Variants in BIN3 observed in about 807,000 individuals in gnomAD.
The protein encoded by BIN3 is bridging integrator 3.
A neutral mutation model predicts 38.2 loss-of-function variants in BIN3; 41 were observed. The ratio of observed to expected loss-of-function variants is 1.07; its 90% confidence interval spans 0.84 to 1.39. The LOEUF is 1.39. Ranked by LOEUF, BIN3 falls within the 40% of genes most tolerant of loss-of-function variation. BIN3 has a pLI of 0.00. For missense variants in BIN3, 361 were observed against 324.3 expected (o/e 1.11, Z -0.87); for synonymous variants, 145 against 122.6 (o/e 1.18, Z -1.21).
chr8:22,668,135 C>T (rs1395200412), intron 1 of BIN3, among the ~76,000 whole-genome samples: 1 of 152,132 alleles, frequency 6.6e-6, no homozygotes, highest in Non-Finnish European at 1.5e-5. Flanking sequence ...TATATAGGTC[C>T]TTGGGCCTGA....
chr8:22,643,405 A>C (rs904894264), intron 2 of BIN3, among the ~76,000 whole-genome samples: 1 of 152,124 alleles, frequency 6.6e-6, no homozygotes, highest in Non-Finnish European at 1.5e-5. Context: ...ATCAGAGCTC[A>C]CTGTGGCCTC....
At chr8:22,640,636 G>A (rs1426037133) in intron 2 of BIN3, among the ~76,000 whole-genome samples, 7 of 152,164 alleles carry the variant, frequency 4.6e-5, no homozygotes, top group African/African-American at 9.7e-5. Context: ...CACAGGGGGC[G>A]CTCTTTGGGA....
chr8:22,634,470 C>G (rs1281032341), intron 4 of BIN3: 1 of 456,240 alleles, frequency 2.2e-6, no homozygotes, highest in Non-Finnish European at 4.4e-6. Flanking sequence ...CTTTTGTGAT[C>G]AGTGCTTTGT....
At chr8:22,642,921 C>G (rs1802608341) in intron 2 of BIN3, among the ~76,000 whole-genome samples, 1 of 152,200 alleles carries the variant, frequency 6.6e-6, no homozygotes, top group Admixed American at 6.5e-5. Context: ...GAGGGATGCC[C>G]TGTGTGCATC....
intron 1 of BIN3, among the ~76,000 whole-genome samples, chr8:22,664,010 A>G (rs1803329704): frequency 6.6e-6 from 1 of 152,240 alleles, no homozygotes; most frequent in South Asian, 2.1e-4. Context: ...AACATTTAGC[A>G]CAGACTTTTG....
intron 4 of BIN3, 53 bp downstream of exon 4, chr8:22,636,472 C>T: frequency 2.6e-6 from 4 of 1,532,664 alleles, no homozygotes; most frequent in Non-Finnish European, 3.5e-6. Context: ...GAGGAGGGTG[C>T]CCACCTCTGC....
At chr8:22,630,392 C>T (rs1240923122) in intron 5 of BIN3, 50 bp downstream of exon 5, 8 of 1,606,668 alleles carry the variant, frequency 5.0e-6, no homozygotes, top group Admixed American at 3.3e-5. Context: ...CCCAGAGGCC[C>T]AGACCGGGCA....
intron 2 of BIN3, among the ~76,000 whole-genome samples, chr8:22,641,301 C>T (rs1204218379): frequency 6.6e-6 from 1 of 152,198 alleles, no homozygotes; most frequent in Non-Finnish European, 1.5e-5. Context: ...TACCCGTGGC[C>T]ACCCCCTGCA....
At chr8:22,643,450 C>T (rs914779126) in intron 2 of BIN3, among the ~76,000 whole-genome samples, 1 of 152,200 alleles carries the variant, frequency 6.6e-6, no homozygotes, top group South Asian at 2.1e-4. Flanking sequence ...CCTGCTTTAG[C>T]CTCCCAAGTA....
chr8:22,653,499 G>C (rs951972455), intron 1 of BIN3, among the ~76,000 whole-genome samples: 1 of 152,082 alleles, frequency 6.6e-6, no homozygotes, highest in African/African-American at 2.4e-5. Flanking sequence ...GACCACAAAA[G>C]GTAACCGTTA....
At chr8:22,668,612 T>A (rs1288198097) in intron 1 of BIN3, among the ~76,000 whole-genome samples, 1 of 151,408 alleles carries the variant, frequency 6.6e-6, no homozygotes, top group Non-Finnish European at 1.5e-5. Context: ...CAGAAGGGAG[T>A]GGGTTTTGAT....
chr8:22,646,046 A>C (rs527274778), intron 1 of BIN3, among the ~76,000 whole-genome samples: 1 of 152,318 alleles, frequency 6.6e-6, no homozygotes, highest in Non-Finnish European at 1.5e-5. Flanking sequence ...CTCCGCTTCC[A>C]CTGAGCAGGC....
chr8:22,669,004 C>A (rs887174295), intron 1 of BIN3, 40 bp downstream of exon 1: 2 of 1,559,678 alleles, frequency 1.3e-6, no homozygotes, highest in Non-Finnish European at 1.7e-6. Context: ...CCTCGCGGGT[C>A]CGCGGGTCCA....
chr8:22,635,492 G>A (rs1275654638), intron 4 of BIN3, among the ~76,000 whole-genome samples: 1 of 152,140 alleles, frequency 6.6e-6, no homozygotes, highest in Non-Finnish European at 1.5e-5. Context: ...CTGGACCCAG[G>A]GAAGGAGCTG....
Position 22,630,434 on chromosome 8 carries a change from C to CTCTACT in BIN3, c.297+7_297+8insAGTAGA. ...ATGCTTGCCCACCCCACACCAAGAC[C>CTCTACT]TAGTCACCTTTTCCTGATTGAAGGC... is the stretch of plus-strand genomic sequence containing the variant. On this transcript the variant is annotated splice_region_variant and intron_variant, in intron 5 of 8. Transcript: ENST00000276416. 1 of 1,613,870 alleles carries CTCTACT rather than the reference C, an allele frequency of 6.2e-7. No homozygotes were observed. Among genetic ancestry groups the CTCTACT allele is most frequent in the South Asian group, 1.1e-5 (1 of 91,074 alleles).
At chr8:22,643,664 A>G (rs990453788) in intron 2 of BIN3, among the ~76,000 whole-genome samples, 1 of 152,246 alleles carries the variant, frequency 6.6e-6, no homozygotes, top group South Asian at 2.1e-4. Flanking sequence ...TGGATTTGCT[A>G]GAGATGGAGC....
intron 1 of BIN3, among the ~76,000 whole-genome samples, chr8:22,651,752 C>A (rs186696626): frequency 1.3e-3 from 205 of 152,200 alleles, no homozygotes; most frequent in Admixed American, 2.2e-3. Flanking sequence ...ATGTTTGTCA[C>A]GGTGTTGTAT....
At chr8:22,663,395 C>T (rs921222449) in intron 1 of BIN3, among the ~76,000 whole-genome samples, 1 of 146,222 alleles carries the variant, frequency 6.8e-6, no homozygotes, top group African/African-American at 2.6e-5. Flanking sequence ...TGTAATTGCA[C>T]TACTGCACTC....
intron 1 of BIN3, among the ~76,000 whole-genome samples, chr8:22,647,852 C>T (rs1225470772): frequency 1.3e-5 from 2 of 152,046 alleles, no homozygotes; most frequent in Admixed American, 6.5e-5. Flanking sequence ...TGAGGCCGGG[C>T]GTGGTGGCTC....
Sources: allele counts gnomAD v4.1 joint callset (sites outside exome capture counted in the v4.1 genomes callset), GRCh38; gene constraint gnomAD v4.1.1; transcripts MANE v1.5; gene names NCBI Gene and HGNC (gene_info 2026-07-23, HGNC 2026-07-21).